Variants in SLC26A7 observed in about 807,000 individuals in gnomAD.
SLC26A7 encodes anion exchange transporter.
Under a neutral mutation model 82.5 loss-of-function variants are expected in SLC26A7, and 59 were observed. The ratio of observed to expected loss-of-function variants is 0.72; its 90% CI spans 0.58 to 0.89. The LOEUF is 0.89. Ranked by LOEUF, SLC26A7 falls within the 40% of genes least tolerant of loss-of-function variation. The pLI is 0.00. For synonymous variants in SLC26A7, 271 were observed against 274.3 expected (o/e 0.99, Z 0.12); for missense variants, 820 against 793.0 (o/e 1.03, Z -0.41).
chr8:91,273,336 A>T (rs1216591682), intron 2 of SLC26A7, among the ~76,000 whole-genome samples: 1 of 152,112 alleles, frequency 6.6e-6, no homozygotes, highest in Non-Finnish European at 1.5e-5. Context: ...ATGGTATGGG[A>T]TTGGATCAGA....
chr8:91,216,250 G>A (rs933660079), intron 1 of SLC26A7, among the ~76,000 whole-genome samples: 13 of 152,124 alleles, frequency 8.5e-5, no homozygotes, highest in African/African-American at 3.1e-4. Context: ...GAAGGGGAAA[G>A]AGGGACACAG....
intron 1 of SLC26A7, among the ~76,000 whole-genome samples, chr8:91,210,757 G>T (rs1437816146): frequency 2.0e-5 from 3 of 152,016 alleles, no homozygotes; most frequent in Admixed American, 6.6e-5. Context: ...AATGGCATAA[G>T]AATATAGCAT....
chr8:91,344,412 A>G (rs747032562), intron 9 of SLC26A7, among the ~76,000 whole-genome samples: 1 of 152,206 alleles, frequency 6.6e-6, no homozygotes, highest in Non-Finnish European at 1.5e-5. Context: ...CAAACAATTT[A>G]TGTTTAAGAT....
chr8:91,372,781 G>C (rs902818254), intron 15 of SLC26A7, among the ~76,000 whole-genome samples: 1 of 151,626 alleles, frequency 6.6e-6, no homozygotes, highest in Admixed American at 6.6e-5. Context: ...GATATAATGT[G>C]TTAGGAATTG....
chr8:91,234,477 CTG>C (rs1810358495), intron 2 of SLC26A7, among the ~76,000 whole-genome samples: 1 of 80,692 alleles, frequency 1.2e-5, no homozygotes, highest in Non-Finnish European at 2.7e-5. Context: ...GGTGGCCCTT[CTG>C]TTTTTTTTTT....
chr8:91,286,904 T>A (rs543854276), intron 2 of SLC26A7, among the ~76,000 whole-genome samples: 1 of 152,266 alleles, frequency 6.6e-6, no homozygotes, highest in Non-Finnish European at 1.5e-5. Flanking sequence ...TTTTTTGAGG[T>A]ACGTGTGTGG....
chr8:91,255,314 A>G (rs1457400126), intron 2 of SLC26A7, among the ~76,000 whole-genome samples: 8 of 152,170 alleles, frequency 5.3e-5, no homozygotes, highest in Non-Finnish European at 1.5e-5. Context: ...TACTGGCACC[A>G]AAACTTGTGT....
intron 13 of SLC26A7, among the ~76,000 whole-genome samples, chr8:91,363,935 G>A (rs2130871821): frequency 7.2e-6 from 1 of 138,958 alleles, no homozygotes; most frequent in East Asian, 1.9e-4. Flanking sequence ...TTTGGTTCAT[G>A]GTATTGTTTT....
At chr8:91,315,577 G>A (rs1351918344) in intron 4 of SLC26A7, among the ~76,000 whole-genome samples, 1 of 152,170 alleles carries the variant, frequency 6.6e-6, no homozygotes, top group Non-Finnish European at 1.5e-5. Flanking sequence ...AGCAGAAGCT[G>A]CTGCTTTGGC....
chr8:91,251,063 G>T (rs944182034), intron 2 of SLC26A7, among the ~76,000 whole-genome samples: 1 of 151,540 alleles, frequency 6.6e-6, no homozygotes, highest in Non-Finnish European at 1.5e-5. Context: ...TTTTTAACCA[G>T]ATAGTTTCAG....
intron 15 of SLC26A7, among the ~76,000 whole-genome samples, chr8:91,370,315 T>C (rs1321203594): frequency 6.6e-6 from 1 of 151,634 alleles, no homozygotes. Flanking sequence ...TCTCTCCTTT[T>C]CCCTCTCTTT....
At chr8:91,376,374 T>C (rs1814517133) in intron 15 of SLC26A7, among the ~76,000 whole-genome samples, 1 of 152,194 alleles carries the variant, frequency 6.6e-6, no homozygotes, top group Non-Finnish European at 1.5e-5. Flanking sequence ...TTTTATATAA[T>C]TTGGATGGGA....
intron 4 of SLC26A7, among the ~76,000 whole-genome samples, chr8:91,298,091 G>C (rs992517499): frequency 6.6e-6 from 1 of 151,994 alleles, no homozygotes; most frequent in African/African-American, 2.4e-5. Context: ...AGTAAGTTCT[G>C]GGGGGGCTTT....
chr8:91,281,483 A>G (rs1314198999), intron 2 of SLC26A7, among the ~76,000 whole-genome samples: 1 of 152,246 alleles, frequency 6.6e-6, no homozygotes, highest in Non-Finnish European at 1.5e-5. Flanking sequence ...GCCATTTTCT[A>G]TAAATGACTT....
rs528178270 is a variant in SLC26A7 at position 91,285,429 on chromosome 8, A to C, written c.194-3707A>C. Among the ~76,000 whole-genome samples, 8 of 152,380 alleles carry C rather than the reference A, an allele frequency of 5.3e-5. No individual in the cohort carries two copies. In the East Asian group the frequency reaches 1.5e-3, roughly 29 times the overall value. ...TCACATGGTCTTCTTTTATAAGGAC[A>C]CCAGTCATATTGCATTAAGGTCCTA... On this transcript the variant is annotated intron_variant, in intron 2 of 18. Transcript: ENST00000276609.
At chr8:91,228,107 C>T (rs146225886) in intron 2 of SLC26A7, among the ~76,000 whole-genome samples, 1 of 152,330 alleles carries the variant, frequency 6.6e-6, no homozygotes, top group African/African-American at 2.4e-5. Context: ...ATAGAGCAGC[C>T]ATGGCACACC....
chr8:91,212,600 T>G (rs1461844455), intron 1 of SLC26A7, among the ~76,000 whole-genome samples: 3 of 152,230 alleles, frequency 2.0e-5, no homozygotes, highest in Non-Finnish European at 2.9e-5. Context: ...TACTCATTAC[T>G]TATAAAGTAA....
At chr8:91,253,295 C>G (rs35325283) in intron 2 of SLC26A7, among the ~76,000 whole-genome samples, 1 of 151,814 alleles carries the variant, frequency 6.6e-6, no homozygotes, top group African/African-American at 2.4e-5. Context: ...GCACATCATT[C>G]TCAACTCTTT....
chr8:91,294,723 G>A (rs1299048057), intron 3 of SLC26A7, among the ~76,000 whole-genome samples: 1 of 152,156 alleles, frequency 6.6e-6, no homozygotes, highest in Admixed American at 6.5e-5. Context: ...GCCAAGATGA[G>A]AGGCTTCAGA....
Sources: allele counts gnomAD v4.1 joint callset (sites outside exome capture counted in the v4.1 genomes callset), GRCh38; gene constraint gnomAD v4.1.1; transcripts MANE v1.5; gene names NCBI Gene and HGNC (gene_info 2026-07-23, HGNC 2026-07-21).